FOCAD: variants seen among roughly 807,000 people sequenced by gnomAD.
FOCAD encodes KIAA1797.
Under a neutral mutation model 225.6 loss-of-function variants are expected in FOCAD, and 198 were observed. The observed-to-expected ratio is 0.88, with a 90% confidence interval of 0.78 to 0.99. The LOEUF is 0.99. FOCAD is among the 50% of genes least tolerant of loss of function. The pLI is 0.00. For missense variants in FOCAD, 2,713 were observed against 2,123.6 expected (o/e 1.28, Z -5.46); for synonymous variants, 897 against 755.0 (o/e 1.19, Z -3.08).
At chr9:20,659,210 A>G (rs1237478673) in intron 2 of FOCAD, among the ~76,000 whole-genome samples, 5 of 150,584 alleles carry the variant, frequency 3.3e-5, no homozygotes, top group Non-Finnish European at 7.4e-5. Context: ...ACAGAGTGAG[A>G]CTCTGCTCCC....
chr9:20,939,416 C>G (rs953830686), intron 28 of FOCAD, among the ~76,000 whole-genome samples: 24 of 151,956 alleles, frequency 1.6e-4, no homozygotes, highest in African/African-American at 5.6e-4. Context: ...TAGCTTAGCT[C>G]AAGATGTTAT....
chr9:20,903,905 C>A (rs1387483110), intron 21 of FOCAD, among the ~76,000 whole-genome samples: 1 of 151,910 alleles, frequency 6.6e-6, no homozygotes, highest in Non-Finnish European at 1.5e-5. Context: ...TCTATTCCCT[C>A]CTCGTTTCTT....
At chr9:20,676,687 T>C (rs982614995) in intron 2 of FOCAD, among the ~76,000 whole-genome samples, 2 of 152,224 alleles carry the variant, frequency 1.3e-5, no homozygotes, top group Non-Finnish European at 2.9e-5. Context: ...ATAGCATTTT[T>C]GGATTTCAAT....
chr9:20,760,064 C>T (rs1470890945), intron 6 of FOCAD, among the ~76,000 whole-genome samples: 1 of 152,200 alleles, frequency 6.6e-6, no homozygotes, highest in Non-Finnish European at 1.5e-5. Context: ...TGATGTGGCT[C>T]TTGCCACCTG....
At chr9:20,747,932 A>G (rs1281436005) in intron 5 of FOCAD, among the ~76,000 whole-genome samples, 1 of 151,620 alleles carries the variant, frequency 6.6e-6, no homozygotes, top group Non-Finnish European at 1.5e-5. Context: ...TTTCATATCT[A>G]CATACATTTC....
intron 28 of FOCAD, among the ~76,000 whole-genome samples, chr9:20,937,051 A>G (rs1267596951): frequency 2.6e-5 from 4 of 151,772 alleles, no homozygotes; most frequent in Non-Finnish European, 5.9e-5. Flanking sequence ...AAGGAGAACT[A>G]CAAACCACTG....
At chr9:20,708,582 G>A (rs912579844) in intron 1 of FOCAD, among the ~76,000 whole-genome samples, 2 of 151,880 alleles carry the variant, frequency 1.3e-5, no homozygotes, top group Admixed American at 1.3e-4. Flanking sequence ...CCAGCCCGAG[G>A]AACAGAGGGA....
chr9:20,866,610 T>C (rs1279688611), intron 17 of FOCAD, among the ~76,000 whole-genome samples: 2 of 152,046 alleles, frequency 1.3e-5, no homozygotes, highest in East Asian at 1.9e-4. Context: ...TAATTGGGCA[T>C]ATTCTCCAGA....
At chr9:20,969,016 C>T (rs948822699) in intron 35 of FOCAD, among the ~76,000 whole-genome samples, 1 of 151,868 alleles carries the variant, frequency 6.6e-6, no homozygotes, top group Non-Finnish European at 1.5e-5. Flanking sequence ...CCTGTGATTT[C>T]TTCTTTAATC....
At chr9:20,935,970 A>G (rs564709174) in intron 28 of FOCAD, among the ~76,000 whole-genome samples, 1 of 152,250 alleles carries the variant, frequency 6.6e-6, no homozygotes, top group Admixed American at 6.5e-5. Context: ...ATGAAAAATA[A>G]TCAAAAAAAG....
chr9:20,692,641 C>T (rs1823043523), intron 1 of FOCAD, among the ~76,000 whole-genome samples: 2 of 152,306 alleles, frequency 1.3e-5, no homozygotes, highest in South Asian at 2.1e-4. Context: ...TTGGAGGCCT[C>T]AGCTGAGATG....
In FOCAD at chr9:20,980,426, C is replaced by T. The variant is rs186041511; in HGVS notation, c.4378-1000C>T. Among the ~76,000 whole-genome samples the T allele has an allele frequency of 1.3e-3, 204 of 152,208 alleles. No individual in the cohort carries two copies. The Middle Eastern group carries it at 0.017, about 13-fold the overall frequency. On this transcript the variant is annotated intron_variant, in intron 37 of 43. Transcript: ENST00000338382. The stretch of plus-strand genomic sequence containing the variant: ...GAAATTTTCCTAAATTTTACTTATC[C>T]TTTCATTTATCTTTTAGATCTGTGC...
chr9:20,861,224 C>T (rs926455317), intron 15 of FOCAD, among the ~76,000 whole-genome samples: 5 of 152,004 alleles, frequency 3.3e-5, no homozygotes, highest in Non-Finnish European at 7.4e-5. Context: ...TCTTTTTCTT[C>T]CTTTACAATA....
chr9:20,905,092 G>A (rs866182664), intron 21 of FOCAD, among the ~76,000 whole-genome samples: 7 of 152,100 alleles, frequency 4.6e-5, no homozygotes, highest in South Asian at 4.1e-4. Context: ...AAGCAAGAAA[G>A]TGCATTTTTA....
chr9:20,747,669 A>G (rs1449445441), intron 5 of FOCAD, among the ~76,000 whole-genome samples: 2 of 152,114 alleles, frequency 1.3e-5, no homozygotes, highest in African/African-American at 4.8e-5. Flanking sequence ...GTGGAACAAT[A>G]CAGTGTGGCT....
chr9:20,762,171 C>G (rs1041707143), intron 6 of FOCAD, among the ~76,000 whole-genome samples: 11 of 152,120 alleles, frequency 7.2e-5, no homozygotes, highest in African/African-American at 2.7e-4. Flanking sequence ...AGTATTTATT[C>G]TTTGGGGAAT....
rs184051828 is a variant in FOCAD at position 20,919,432 on chromosome 9, A to C, written c.2852+2495A>C. Among the ~76,000 whole-genome samples the C allele has an allele frequency of 4.1e-3, 623 of 152,302 alleles. 10 individuals are homozygous for C. Among genetic ancestry groups the C allele is most frequent in the East Asian group, 0.033 (171 of 5,190 alleles). On this transcript the variant is annotated intron_variant, in intron 24 of 43. Transcript: ENST00000338382. Reference sequence around the variant, plus strand: ...TCAATGCCATCCCCATCAAGCTACCAATGACTTTCTTCACAGGATTGGAAA... The same window carrying C: ...TCAATGCCATCCCCATCAAGCTACCCATGACTTTCTTCACAGGATTGGAAA...
chr9:20,920,015 G>A (rs1288826139), intron 24 of FOCAD, among the ~76,000 whole-genome samples: 5 of 151,986 alleles, frequency 3.3e-5, no homozygotes, highest in African/African-American at 4.8e-5. Flanking sequence ...TACCATCAGA[G>A]TGAACAGGCA....
chr9:20,719,778 CTTTTT>C (rs34384301), intron 3 of FOCAD, among the ~76,000 whole-genome samples: 4 of 62,130 alleles, frequency 6.4e-5, no homozygotes, highest in African/African-American at 1.3e-4. Flanking sequence ...TTTTCCTAGG[CTTTTT>C]TTTTTTTTTT....
Sources: gnomAD v4.1 joint callset for allele counts (sites outside exome capture counted in the v4.1 genomes callset) on GRCh38, gnomAD v4.1.1 for gene constraint, MANE v1.5 for transcripts, NCBI Gene and HGNC (gene_info 2026-07-23, HGNC 2026-07-21) for gene names.